SESTD1: variants seen among roughly 807,000 people sequenced by gnomAD.
SESTD1 encodes the protein SEC14 and spectrin domain containing 1.
Under a neutral mutation model 101.7 loss-of-function variants are expected in SESTD1, and 43 were observed. That is an observed-to-expected ratio of 0.42 (90% confidence interval 0.33 to 0.55). The LOEUF (loss-of-function observed/expected upper bound fraction) is 0.55. SESTD1 is among the 20% of genes least tolerant of loss of function. SESTD1 has a pLI of 0.07. For synonymous variants in SESTD1, 283 were observed against 286.8 expected (o/e 0.99, Z 0.13); for missense variants, 647 against 815.1 (o/e 0.79, Z 2.51).
At chr2:179,253,491 C>T (rs1443393502) in intron 1 of SESTD1, among the ~76,000 whole-genome samples, 1 of 152,082 alleles carries the variant, frequency 6.6e-6, no homozygotes, top group Non-Finnish European at 1.5e-5. Flanking sequence ...TACTATTTGG[C>T]AACTGTTCTG....
At chr2:179,223,671 C>G (rs1443778534) in intron 1 of SESTD1, among the ~76,000 whole-genome samples, 1 of 151,984 alleles carries the variant, frequency 6.6e-6, no homozygotes, top group African/African-American at 2.4e-5. Flanking sequence ...TTCACTTTGG[C>G]AAAGACAAAT....
At chr2:179,256,112 TTAA>T (rs1412898972) in intron 1 of SESTD1, among the ~76,000 whole-genome samples, 6 of 152,208 alleles carry the variant, frequency 3.9e-5, no homozygotes, top group South Asian at 2.1e-4. Context: ...TACAAGGAGA[TTAA>T]TGTTTCCATA....
rs1463778111 is a variant in SESTD1, at chr2:179,202,675, C to T, written c.-25-10809G>A. ...GAGGTTTGTCTCCCTTTTTGGCCAA[C>T]GGCTTTAAAAAACAAAACTTTATCT... On this transcript the variant is annotated intron_variant, in intron 1 of 17. Transcript: ENST00000428443. Among the ~76,000 whole-genome samples, 2 of 134,432 alleles carry T rather than the reference C, an allele frequency of 1.5e-5. 1 individual carries two copies. The highest frequency in any genetic ancestry group is 5.9e-5 in the African/African-American group (2 of 33,948). The allele number at this position is 134,432 out of a possible 152,430, so 88.2% of individuals were successfully genotyped here. A position where few individuals can be genotyped will look rare whatever the true frequency, so the allele number is the denominator to read the frequency against.
intron 5 of SESTD1, among the ~76,000 whole-genome samples, chr2:179,161,345 C>T (rs1481708968): frequency 6.6e-6 from 1 of 152,104 alleles, no homozygotes; most frequent in Non-Finnish European, 1.5e-5. Context: ...TGATTCATCA[C>T]AAATCATTTA....
intron 11 of SESTD1, among the ~76,000 whole-genome samples, chr2:179,124,031 G>A (rs1345187974): frequency 6.6e-6 from 1 of 152,126 alleles, no homozygotes; most frequent in African/African-American, 2.4e-5. Flanking sequence ...AGACAAAGAA[G>A]TACATTCAGG....
rs1347213187 is a variant in SESTD1, at chr2:179,110,087, A to G, written c.1962-59T>C. 9 of 1,568,570 alleles carry G rather than the reference A, an allele frequency of 5.7e-6. No homozygotes were observed. The East Asian group carries it at 2.0e-4, about 35-fold the overall frequency. ...TAATACAAATCTATTAACTGCAGTG[A>G]ATACAAATAGAAGCAAAAATTTACC... On this transcript the variant is annotated intron_variant, in intron 17 of 17. Transcript: ENST00000428443.
chr2:179,167,555 C>CA (rs1278952656), intron 5 of SESTD1, among the ~76,000 whole-genome samples: 18 of 151,722 alleles, frequency 1.2e-4, no homozygotes, highest in Admixed American at 1.2e-3. Flanking sequence ...GAATAAATAC[C>CA]AAATAGAACA....
At chr2:179,230,496 T>C (rs1245422723) in intron 1 of SESTD1, among the ~76,000 whole-genome samples, 2 of 151,698 alleles carry the variant, frequency 1.3e-5, no homozygotes, top group Admixed American at 6.6e-5. Flanking sequence ...ATCAGAAATA[T>C]AAACCTGAAA....
At position 179,185,745 on chromosome 2, in the gene SESTD1, G is replaced by C. The variant is rs341960; in HGVS notation, c.56-2557C>G. ...AGCATATTATATATAATATAATATA[G>C]TATATTATATACAATATATAATATA... On this transcript the variant is annotated intron_variant, in intron 2 of 17. Coordinates refer to ENST00000428443, the MANE Select transcript of SESTD1 (RefSeq NM_178123.5). Among the ~76,000 whole-genome samples, 23 of 115,406 alleles carry C rather than the reference G, an allele frequency of 2.0e-4. 1 individual carries two copies. The East Asian group carries it at 3.7e-3, about 18-fold the overall frequency. 75.7% of individuals were successfully genotyped at this position (115,406 alleles called of 152,430 possible).
At chr2:179,188,436 G>A (rs1275863317) in intron 2 of SESTD1, among the ~76,000 whole-genome samples, 2 of 152,164 alleles carry the variant, frequency 1.3e-5, no homozygotes, top group Non-Finnish European at 2.9e-5. Flanking sequence ...TCATGAATTT[G>A]AGATCAGCCT....
At chr2:179,160,650 T>C (rs997468863) in intron 5 of SESTD1, among the ~76,000 whole-genome samples, 3 of 152,092 alleles carry the variant, frequency 2.0e-5, no homozygotes, top group Non-Finnish European at 2.9e-5. Flanking sequence ...GTGAAGAAGA[T>C]GGAACCACAA....
chr2:179,229,560 T>C (rs1385102327), intron 1 of SESTD1, among the ~76,000 whole-genome samples: 1 of 151,944 alleles, frequency 6.6e-6, no homozygotes, highest in African/African-American at 2.4e-5. Context: ...TAGATATATA[T>C]CTATGTAACT....
At chr2:179,116,305 A>G (rs1318299021) in intron 15 of SESTD1, among the ~76,000 whole-genome samples, 3 of 105,844 alleles carry the variant, frequency 2.8e-5, no homozygotes, top group Non-Finnish European at 6.1e-5. Flanking sequence ...TTTCACCACA[A>G]AAAAGTTCTG....
intron 13 of SESTD1, among the ~76,000 whole-genome samples, chr2:179,121,156 A>G (rs1219883379): frequency 6.6e-6 from 1 of 152,246 alleles, no homozygotes; most frequent in Non-Finnish European, 1.5e-5. Context: ...GTTGATGATC[A>G]TAAAATTTTT....
In SESTD1 at chr2:179,186,659, T is replaced by C. The variant is rs539073126; in HGVS notation, c.56-3471A>G. ...TAATGAAATTACAGAACAGGATAAG[T>C]ATCAGAAGACTGTATTTTCAGGGAA... On this transcript the variant is annotated intron_variant, in intron 2 of 17. Coordinates refer to ENST00000428443, the MANE Select transcript of SESTD1 (RefSeq NM_178123.5). 4.6e-5 allele frequency among the ~76,000 whole-genome samples: 7 copies of C among 151,542 alleles called. No individual in the cohort carries two copies. In the South Asian group the frequency reaches 1.5e-3, roughly 32 times the overall value.
At chr2:179,262,856 C>A (rs1279040970) in intron 1 of SESTD1, among the ~76,000 whole-genome samples, 1 of 152,138 alleles carries the variant, frequency 6.6e-6, no homozygotes, top group Non-Finnish European at 1.5e-5. Context: ...AATTAAAACC[C>A]AAGTAGATGC....
rs2044435700 is a variant in SESTD1 at position 179,108,509 on chromosome 2, AG to A, written c.*1389del. On this transcript the variant is annotated 3_prime_UTR_variant, in exon 18 of 18. Transcript: ENST00000428443. ...GCAAGGTGCTGAGTAGTGAGTGATG[AG>A]GATGTAGGGGCACTGGATGTGGATT... is the stretch of plus-strand genomic sequence containing the variant. The A allele has an allele frequency of 6.6e-6, 1 of 152,086 alleles. No homozygotes were observed. Among genetic ancestry groups the A allele is most frequent in the African/African-American group, 2.4e-5 (1 of 41,406 alleles). The allele number at this position is 152,086 out of a possible 1,614,324, so 9.4% of individuals were successfully genotyped here. A position where few individuals can be genotyped will look rare whatever the true frequency, so the allele number is the denominator to read the frequency against.
chr2:179,228,308 C>T (rs755199421), intron 1 of SESTD1, among the ~76,000 whole-genome samples: 1 of 152,160 alleles, frequency 6.6e-6, no homozygotes, highest in South Asian at 2.1e-4. Context: ...GAATATTATA[C>T]CTCTTACCTC....
intron 1 of SESTD1, among the ~76,000 whole-genome samples, chr2:179,254,697 T>C (rs2047367176): frequency 6.6e-6 from 1 of 152,254 alleles, no homozygotes; most frequent in Non-Finnish European, 1.5e-5. Context: ...TAAAACCTAC[T>C]TGCCATATCT....
Sources: allele counts gnomAD v4.1 joint callset (sites outside exome capture counted in the v4.1 genomes callset), GRCh38; gene constraint gnomAD v4.1.1; transcripts MANE v1.5; gene names NCBI Gene and HGNC (gene_info 2026-07-23, HGNC 2026-07-21).